The following NUMA1 variants were observed in gnomAD, a reference collection of about 807,000 sequenced individuals.
NUMA1 encodes SP-H antigen.
In NUMA1, 62 loss-of-function variants were observed where a neutral mutation model predicts 237.1. That is an observed-to-expected ratio of 0.26 (90% CI 0.21 to 0.32). The LOEUF is 0.32. Among genes scored for constraint, NUMA1 ranks in the 10% least tolerant of loss-of-function variants. NUMA1 has a pLI of 1.00. For missense variants in NUMA1, 2,533 were observed against 2,666.5 expected, an observed-to-expected ratio of 0.95 and a Z score of 1.10; for synonymous variants, 1,028 against 1,066.1, an observed-to-expected ratio of 0.96 and a Z score of 0.70.
chr11:72,027,735 C>A (rs1306752821), intron 4 of NUMA1, among the ~76,000 whole-genome samples: 2 of 152,052 alleles, frequency 1.3e-5, no homozygotes, highest in Admixed American at 6.6e-5. Context: ...ACAAAGAAAA[C>A]AAGATTTGAG....
Position 72,006,260 on chromosome 11 carries a change from G to C in NUMA1, c.5467C>G (p.Leu1823Val). 3.1e-6 allele frequency: 5 copies of C among 1,613,386 alleles called. No individual in the cohort carries two copies. Among genetic ancestry groups the C allele is most frequent in the Admixed American group, 1.7e-5 (1 of 60,012 alleles). The change falls in exon 22 of 27, where the codon CTA becomes GTA. Residue 1823 changes from leucine (L) to valine (V), a missense_variant. Transcript: ENST00000393695. ...GCGCTGTCTGGCTCTTCCACATCTA[G>C]CTTCTGGAAGACAGAGTGAATCTGT... ...QIINITMTKK[L>V]DVEEPDSANS...
At chr11:72,007,579 A>C in intron 20 of NUMA1, 144 bp from the exon 21 acceptor site, 2 of 1,048,588 alleles carry the variant, frequency 1.9e-6, no homozygotes, top group Non-Finnish European at 2.8e-6. Context: ...AGAGGTACCA[A>C]GGAAAGCACT....
intron 9 of NUMA1, 34 bp downstream of exon 9, chr11:72,019,460 G>C: frequency 1.9e-6 from 3 of 1,607,560 alleles, no homozygotes; most frequent in Non-Finnish European, 2.6e-6. Flanking sequence ...TGGATGCTGA[G>C]GCCCTATCCC....
chr11:72,073,323 A>T (rs1372247512), intron 1 of NUMA1, among the ~76,000 whole-genome samples: 2 of 151,528 alleles, frequency 1.3e-5, no homozygotes, highest in Non-Finnish European at 2.9e-5. Context: ...AAAAAAAAAA[A>T]AGTTGCCCAC....
intron 3 of NUMA1, among the ~76,000 whole-genome samples, chr11:72,035,024 T>C (rs1167771753): frequency 6.6e-6 from 1 of 152,140 alleles, no homozygotes; most frequent in Non-Finnish European, 1.5e-5. Context: ...GCCCAGCTGA[T>C]TTTTTAATTT....
chr11:72,004,140 C>G, intron 25 of NUMA1, 41 bp from the exon 26 acceptor site: 1 of 1,611,276 alleles, frequency 6.2e-7, no homozygotes, highest in Non-Finnish European at 8.5e-7. Context: ...CCAATGCTGC[C>G]TTCCCAGGCC....
At chr11:72,037,515 T>A (rs553341973) in intron 2 of NUMA1, among the ~76,000 whole-genome samples, 2 of 151,080 alleles carry the variant, frequency 1.3e-5, no homozygotes, top group East Asian at 1.9e-4. Flanking sequence ...CAAAAAAAAA[T>A]AATAAAAAAA....
intron 2 of NUMA1, among the ~76,000 whole-genome samples, chr11:72,053,847 CT>C (rs1293481214): frequency 2.0e-5 from 3 of 152,094 alleles, no homozygotes; most frequent in Admixed American, 6.6e-5. Context: ...GATGTATAAA[CT>C]TTTTTTTCTT....
intron 13 of NUMA1, chr11:72,017,477 A>T (rs1008665049): frequency 8.2e-5 from 49 of 599,680 alleles, no homozygotes; most frequent in Non-Finnish European, 9.0e-5. Flanking sequence ...GTGTACTATA[A>T]AGTGAGGGCA....
chr11:72,003,579 A>G, intron 26 of NUMA1, 41 bp from the exon 27 acceptor site: 4 of 1,613,664 alleles, frequency 2.5e-6, no homozygotes, highest in Non-Finnish European at 3.4e-6. Flanking sequence ...AGAACTTGCG[A>G]TACTAGCCTG....
intron 2 of NUMA1, among the ~76,000 whole-genome samples, chr11:72,059,355 C>T (rs1421844921): frequency 2.0e-5 from 3 of 152,168 alleles, no homozygotes; most frequent in African/African-American, 7.2e-5. Context: ...TGGCTCACTG[C>T]AACCTCAACC....
intron 2 of NUMA1, chr11:72,048,043 A>G (rs1269087812): frequency 6.6e-6 from 1 of 152,122 alleles, no homozygotes; most frequent in Non-Finnish European, 1.5e-5. Context: ...TAGGTGACCT[A>G]CGTGATCTAG....
At chr11:72,012,063 G>A (rs1408530039) in intron 16 of NUMA1, among the ~76,000 whole-genome samples, 1 of 152,200 alleles carries the variant, frequency 6.6e-6, no homozygotes, top group African/African-American at 2.4e-5. Context: ...TCCTTAACTA[G>A]ACACAGTACT....
intron 2 of NUMA1, among the ~76,000 whole-genome samples, chr11:72,051,127 G>A (rs1014217196): frequency 2.0e-5 from 3 of 152,104 alleles, no homozygotes; most frequent in African/African-American, 2.4e-5. Flanking sequence ...GGGCTCAAGC[G>A]ATCTGCCTGC....
rs1956443889 is a variant in NUMA1, at chr11:72,015,272, C to T, written c.2231G>A (p.Arg744Gln). 1 of 1,613,528 alleles carries T rather than the reference C, an allele frequency of 6.2e-7. No homozygotes were observed. The highest frequency in any genetic ancestry group is 8.5e-7 in the Non-Finnish European group (1 of 1,180,040). ...CCGCTTATGCTGCTCCACCAGGCTTCGGGTCTCTGCCTTCAGCTCAGAGAT... is the reference window on the plus strand; with the variant it reads ...CCGCTTATGCTGCTCCACCAGGCTTTGGGTCTCTGCCTTCAGCTCAGAGAT... ...RCISELKAET[R>Q]SLVEQHKRER... is the part of the protein sequence containing the mutation. Residue 744 changes from arginine (R) to glutamine (Q), a missense_variant, in exon 15 of 27, where the codon CGA becomes CAA. Arg to Gln is a conservative substitution (Grantham distance 43). Around this residue, in one of 3 missense-constraint regions of NUMA1, gnomAD observed 1,414 missense variants for 1,508.1 expected, o/e 0.94. Transcript: ENST00000393695. The surrounding 1 kb of genome is among the most constrained non-coding windows in gnomAD (Gnocchi z 4.0).
intron 1 of NUMA1, among the ~76,000 whole-genome samples, chr11:72,076,208 T>C (rs1054803224): frequency 1.3e-5 from 2 of 151,196 alleles, no homozygotes; most frequent in African/African-American, 4.9e-5. Context: ...ACCCTGTCTC[T>C]ACAGAAAATA....
intron 25 of NUMA1, 32 bp downstream of exon 25, chr11:72,004,192 CG>C (rs777615870): frequency 1.9e-5 from 31 of 1,603,440 alleles, no homozygotes; most frequent in Non-Finnish European, 2.6e-5. Context: ...CCCGCCAGGG[CG>C]TCGCTTCATC....
chr11:72,062,199 G>A (rs767603163), intron 2 of NUMA1, among the ~76,000 whole-genome samples: 22 of 152,058 alleles, frequency 1.4e-4, no homozygotes, highest in Non-Finnish European at 2.9e-4. Context: ...TATCATCAGT[G>A]GAGGAACTCA....
chr11:72,051,471 ATT>A (rs61257330), intron 2 of NUMA1, among the ~76,000 whole-genome samples: 15 of 142,572 alleles, frequency 1.1e-4, no homozygotes, highest in Non-Finnish European at 9.1e-5. Context: ...GAATTCAAAG[ATT>A]TTTTTTTTTT....
Sources: allele counts gnomAD v4.1 joint callset (sites outside exome capture counted in the v4.1 genomes callset), GRCh38; gene constraint gnomAD v4.1.1; regional missense constraint gnomAD v4.1.1; non-coding constraint Gnocchi (gnomAD v3.1); transcripts MANE v1.5; gene names NCBI Gene and HGNC (gene_info 2026-07-23, HGNC 2026-07-21).